AIG1: variants seen among roughly 807,000 people sequenced by gnomAD.
AIG1 encodes the protein androgen induced 1.
AIG1 carries 23 observed loss-of-function variants against 31.4 expected under a neutral mutation model. That is an observed-to-expected ratio of 0.73 (90% CI 0.53 to 1.04). The LOEUF (loss-of-function observed/expected upper bound fraction) is 1.04. AIG1 is among the 50% of genes least tolerant of loss of function. AIG1 has a pLI of 0.00. For synonymous variants in AIG1, 100 were observed against 110.5 expected, an observed-to-expected ratio of 0.90 and a Z score of 0.60; for missense variants, 274 against 295.0, an observed-to-expected ratio of 0.93 and a Z score of 0.52.
chr6:143,089,569 G>A (rs561592207), intron 1 of AIG1, among the ~76,000 whole-genome samples: 1 of 152,356 alleles, frequency 6.6e-6, no homozygotes, highest in East Asian at 1.9e-4. Context: ...AGGAATACCT[G>A]AGATGGGGTA....
intron 3 of AIG1, among the ~76,000 whole-genome samples, chr6:143,240,491 T>TA (rs1439951672): frequency 6.6e-6 from 1 of 152,282 alleles, no homozygotes; most frequent in East Asian, 1.9e-4. Context: ...ATAAAACATA[T>TA]AAACCACAGC....
rs535935544 is a variant in AIG1 at position 143,161,522 on chromosome 6, A to T, written c.298-3560A>T. 1.4e-4 allele frequency among the ~76,000 whole-genome samples: 15 copies of T among 103,792 alleles called. No individual in the cohort carries two copies. In the South Asian group the frequency reaches 5.0e-3, roughly 34 times the overall value. 68.1% of individuals were successfully genotyped at this position (103,792 alleles called of 152,430 possible). On this transcript the variant is annotated intron_variant, in intron 2 of 5. Coordinates refer to ENST00000357847, the MANE Select transcript of AIG1 (RefSeq NM_016108.4). ...TATCAGCAGATTGAATCCAGTAAAA[A>T]CATATATTATATATATATGTGTGTA...
At chr6:143,265,758 A>C (rs1283740899) in intron 3 of AIG1, among the ~76,000 whole-genome samples, 2 of 152,208 alleles carry the variant, frequency 1.3e-5, no homozygotes, top group Non-Finnish European at 2.9e-5. Flanking sequence ...CTTCCTGTGA[A>C]CTTAAAGTGA....
intron 3 of AIG1, among the ~76,000 whole-genome samples, chr6:143,283,496 G>A (rs1225079170): frequency 1.3e-5 from 2 of 152,178 alleles, no homozygotes; most frequent in African/African-American, 4.8e-5. Flanking sequence ...TGGACAAAGA[G>A]TTCTACGAAA....
At chr6:143,157,092 C>G (rs970889410) in intron 2 of AIG1, among the ~76,000 whole-genome samples, 1 of 151,992 alleles carries the variant, frequency 6.6e-6, no homozygotes, top group Admixed American at 6.5e-5. Context: ...TTTGCTTTCA[C>G]TAATACAAAG....
At chr6:143,103,632 C>T (rs1442299795) in intron 1 of AIG1, among the ~76,000 whole-genome samples, 2 of 149,630 alleles carry the variant, frequency 1.3e-5, no homozygotes, top group African/African-American at 2.5e-5. Context: ...CTCAGCCTCC[C>T]GAGTAGCTGG....
intron 1 of AIG1, among the ~76,000 whole-genome samples, chr6:143,100,166 G>A (rs1179060522): frequency 6.6e-6 from 1 of 152,190 alleles, no homozygotes; most frequent in Admixed American, 6.5e-5. Context: ...TTTTGGCCCT[G>A]CTTGTGCTGG....
intron 1 of AIG1, among the ~76,000 whole-genome samples, chr6:143,073,798 A>C (rs542456594): frequency 6.6e-6 from 1 of 152,330 alleles, no homozygotes; most frequent in Admixed American, 6.5e-5. Context: ...TGAGAGAATT[A>C]AGTGCTAAAC....
intron 3 of AIG1, among the ~76,000 whole-genome samples, chr6:143,237,668 T>C (rs1047033392): frequency 6.6e-6 from 1 of 152,332 alleles, no homozygotes; most frequent in East Asian, 1.9e-4. Flanking sequence ...AAACAATTTC[T>C]ACTCTAACCG....
chr6:143,289,711 A>T (rs1045493853), intron 4 of AIG1, among the ~76,000 whole-genome samples: 1 of 152,186 alleles, frequency 6.6e-6, no homozygotes, highest in Non-Finnish European at 1.5e-5. Context: ...TGCTGGAAAC[A>T]TACATTATTT....
At chr6:143,092,220 T>G (rs1779367524) in intron 1 of AIG1, among the ~76,000 whole-genome samples, 2 of 152,034 alleles carry the variant, frequency 1.3e-5, no homozygotes, top group Admixed American at 1.3e-4. Flanking sequence ...TCCTCCTGCC[T>G]CAGCCTCTCA....
chr6:143,317,144 C>T lies in AIG1; in HGVS notation c.516-16138C>T, dbSNP rs1775820377. On this transcript the variant is annotated intron_variant, in intron 4 of 5. Transcript: ENST00000357847. ...AAAAAGTAGAGAAAGAGGGAGTCCT[C>T]CCTAAGTCATTCTATGAAGCCAGTA... 2.6e-5 allele frequency among the ~76,000 whole-genome samples: 4 copies of T among 152,188 alleles called. 1 individual carries two copies. The South Asian group carries it at 8.3e-4, about 32-fold the overall frequency.
At position 143,297,885 on chromosome 6, in the gene AIG1, G is replaced by A. The variant is rs77304438; in HGVS notation, c.515+13660G>A. ...CTTTTATTCTTCCTTGCACAATGAC[G>A]TATCCTTGGGCTGTGATATTCTCAC... On this transcript the variant is annotated intron_variant, in intron 4 of 5. Coordinates refer to ENST00000357847, the MANE Select transcript of AIG1 (RefSeq NM_016108.4). The surrounding 1 kb of genome is among the most constrained non-coding windows in gnomAD (Gnocchi z 5.1). 0.03 allele frequency among the ~76,000 whole-genome samples: 4,486 copies of A among 151,434 alleles called. 210 individuals are homozygous for A. The highest frequency in any genetic ancestry group is 0.1 in the African/African-American group (4,173 of 41,238).
At chr6:143,198,350 G>C (rs1304684950) in intron 3 of AIG1, among the ~76,000 whole-genome samples, 1 of 152,222 alleles carries the variant, frequency 6.6e-6, no homozygotes, top group Non-Finnish European at 1.5e-5. Context: ...CGTATGCTCA[G>C]TTAATGTCTG....
At chr6:143,254,300 C>G (rs1224350964) in intron 3 of AIG1, among the ~76,000 whole-genome samples, 1 of 152,150 alleles carries the variant, frequency 6.6e-6, no homozygotes, top group Non-Finnish European at 1.5e-5. Context: ...CTGCAAGAAG[C>G]AGGGAGGGGC....
intron 4 of AIG1, among the ~76,000 whole-genome samples, chr6:143,315,646 C>A (rs1199428264): frequency 6.6e-6 from 1 of 152,084 alleles, no homozygotes; most frequent in Non-Finnish European, 1.5e-5. Context: ...AGTCATAAAT[C>A]TTACACCTTT....
rs201054649 is a variant in AIG1 at position 143,226,245 on chromosome 6, TA to T, written c.400-57864del. On this transcript the variant is annotated intron_variant, in intron 3 of 5. Transcript: ENST00000357847. The stretch of plus-strand genomic sequence containing the variant: ...TCCATTCTTCTTAACTATATATATA[TA>T]TTTTTTTTTTTTTGAGATGGAGTCT... Among the ~76,000 whole-genome samples the T allele has an allele frequency of 6.7e-4, 85 of 126,036 alleles. 1 individual carries two copies. Among genetic ancestry groups the T allele is most frequent in the African/African-American group, 2.2e-3 (82 of 37,514 alleles). The allele number at this position is 126,036 out of a possible 152,430, so 82.7% of individuals were successfully genotyped here. A position where few individuals can be genotyped will look rare whatever the true frequency, so the allele number is the denominator to read the frequency against.
At chr6:143,134,994 C>T (rs1783605428) in intron 1 of AIG1, among the ~76,000 whole-genome samples, 1 of 152,044 alleles carries the variant, frequency 6.6e-6, no homozygotes, top group African/African-American at 2.4e-5. Context: ...TTTATAGGGA[C>T]GTAGCTGCAT....
At chr6:143,190,742 AACAT>A (rs1789718376) in intron 3 of AIG1, 1 of 381,434 alleles carries the variant, frequency 2.6e-6, no homozygotes, top group African/African-American at 2.2e-5. Context: ...CAAACTCTCA[AACAT>A]TTTCTACATT....
Sources: gnomAD v4.1 joint callset for allele counts (sites outside exome capture counted in the v4.1 genomes callset) on GRCh38, gnomAD v4.1.1 for gene constraint, Gnocchi (gnomAD v3.1) non-coding constraint, MANE v1.5 for transcripts, NCBI Gene and HGNC (gene_info 2026-07-23, HGNC 2026-07-21) for gene names.